Variants in PDE4B observed in about 807,000 individuals in gnomAD.
PDE4B encodes the protein phosphodiesterase 4B.
A neutral mutation model predicts 82.2 loss-of-function variants in PDE4B; 20 were observed. The ratio of observed to expected loss-of-function variants is 0.24; its 90% CI spans 0.17 to 0.35. The LOEUF (loss-of-function observed/expected upper bound fraction) is 0.35. PDE4B is among the 10% of genes least tolerant of loss of function. The pLI is 1.00. For missense variants in PDE4B, 655 were observed against 907.2 expected (o/e 0.72, Z 3.57); for synonymous variants, 320 against 318.9 (o/e 1.00, Z -0.04).
intron 3 of PDE4B, among the ~76,000 whole-genome samples, chr1:66,120,386 C>T (rs1223797150): frequency 1.3e-5 from 2 of 152,108 alleles, no homozygotes; most frequent in African/African-American, 2.4e-5. Context: ...CATTCTCCTC[C>T]TGCCCAGTAG....
intron 3 of PDE4B, among the ~76,000 whole-genome samples, chr1:66,220,357 G>A (rs1407164299): frequency 6.6e-6 from 1 of 152,136 alleles, no homozygotes; most frequent in Non-Finnish European, 1.5e-5. Flanking sequence ...ACATTTTGTA[G>A]TTTCTAAATT....
At chr1:66,292,404 C>T (rs982592551) in intron 7 of PDE4B, among the ~76,000 whole-genome samples, 3 of 152,044 alleles carry the variant, frequency 2.0e-5, no homozygotes, top group Non-Finnish European at 2.9e-5. Context: ...AGTGGCAAAG[C>T]GAGGGTTTAG....
At chr1:66,212,598 A>G (rs1650149579) in intron 3 of PDE4B, among the ~76,000 whole-genome samples, 1 of 152,044 alleles carries the variant, frequency 6.6e-6, no homozygotes, top group Admixed American at 6.6e-5. Context: ...TTTACTTACC[A>G]TTTAAATTTT....
intron 3 of PDE4B, among the ~76,000 whole-genome samples, chr1:66,084,136 AT>A (rs1656883478): frequency 1.3e-5 from 2 of 152,280 alleles, no homozygotes; most frequent in South Asian, 4.1e-4. Context: ...GAGATAGAAA[AT>A]ATAACAAGAG....
At chr1:66,279,919 C>T (rs899743918) in intron 7 of PDE4B, among the ~76,000 whole-genome samples, 2 of 152,152 alleles carry the variant, frequency 1.3e-5, no homozygotes, top group African/African-American at 4.8e-5. Flanking sequence ...ATGTTAACCA[C>T]ATCTACAAAA....
intron 1 of PDE4B, among the ~76,000 whole-genome samples, chr1:65,807,992 G>C (rs1645775921): frequency 6.6e-6 from 1 of 152,066 alleles, no homozygotes. Flanking sequence ...CACAGTTATT[G>C]TTACTTTGAC....
At chr1:66,076,426 T>G (rs751740473) in intron 3 of PDE4B, among the ~76,000 whole-genome samples, 4 of 152,164 alleles carry the variant, frequency 2.6e-5, no homozygotes, top group Non-Finnish European at 5.9e-5. Flanking sequence ...TAATCCAGAG[T>G]TGATGGGCAC....
intron 1 of PDE4B, among the ~76,000 whole-genome samples, chr1:65,847,960 T>C (rs550772280): frequency 3.0e-4 from 46 of 151,748 alleles, no homozygotes; most frequent in Non-Finnish European, 4.9e-4. Context: ...TTTGGAACAT[T>C]TGGAAACTCA....
intron 1 of PDE4B, among the ~76,000 whole-genome samples, chr1:65,912,608 T>A (rs1428951322): frequency 6.6e-6 from 1 of 152,224 alleles, no homozygotes; most frequent in Non-Finnish European, 1.5e-5. Context: ...AAGCTCTAAC[T>A]ACCGGTTGCT....
chr1:65,947,514 A>G (rs1351527822), intron 3 of PDE4B, among the ~76,000 whole-genome samples: 1 of 152,164 alleles, frequency 6.6e-6, no homozygotes, highest in African/African-American at 2.4e-5. Flanking sequence ...TTGAAGTCCT[A>G]TCCCCTGGTA....
At chr1:66,054,106 C>A (rs1275532762) in intron 3 of PDE4B, among the ~76,000 whole-genome samples, 23 of 152,090 alleles carry the variant, frequency 1.5e-4, no homozygotes, top group Admixed American at 1.2e-3. Context: ...AGGGTTTGAA[C>A]CCTCATTGAG....
chr1:66,159,212 A>G (rs1019152532), intron 3 of PDE4B, among the ~76,000 whole-genome samples: 1 of 151,956 alleles, frequency 6.6e-6, no homozygotes, highest in African/African-American at 2.4e-5. Context: ...AAATATGCAC[A>G]GTTATTAGAG....
intron 3 of PDE4B, among the ~76,000 whole-genome samples, chr1:66,029,102 A>G (rs961390362): frequency 2.0e-5 from 3 of 152,230 alleles, no homozygotes; most frequent in Non-Finnish European, 4.4e-5. Context: ...AAAAAAGTTT[A>G]TTTAGACTTA....
At chr1:65,981,253 A>C (rs1650671524) in intron 3 of PDE4B, among the ~76,000 whole-genome samples, 1 of 152,212 alleles carries the variant, frequency 6.6e-6, no homozygotes. Context: ...AGACAAATAA[A>C]TTTTGAGTTG....
In PDE4B at chr1:66,087,827, A is replaced by C. The variant is rs1270312021; in HGVS notation, c.282-159633A>C. On this transcript the variant is annotated intron_variant, in intron 3 of 16. Transcript: ENST00000341517. ...GGTGGGAATTAAACAATGAGAACAC[A>C]TGGACACAGGAAGGGGAACATCACA... 4.5e-5 allele frequency among the ~76,000 whole-genome samples: 6 copies of C among 132,146 alleles called. No homozygotes were observed. In the East Asian group the frequency reaches 1.4e-3, roughly 30 times the overall value. The allele number at this position is 132,146 out of a possible 152,430, so 86.7% of individuals were successfully genotyped here.
At chr1:65,986,933 G>A (rs2100665586) in intron 3 of PDE4B, among the ~76,000 whole-genome samples, 1 of 152,188 alleles carries the variant, frequency 6.6e-6, no homozygotes. Context: ...GGAGATGAGG[G>A]AACAAACCAT....
chr1:66,241,603 G>A (rs139810803), intron 3 of PDE4B, among the ~76,000 whole-genome samples: 1 of 152,088 alleles, frequency 6.6e-6, no homozygotes, highest in East Asian at 1.9e-4. Context: ...CCTTCCAGAT[G>A]CAAGTGATTC....
At chr1:66,245,801 A>G (rs1570548060) in intron 3 of PDE4B, among the ~76,000 whole-genome samples, 1 of 152,142 alleles carries the variant, frequency 6.6e-6, no homozygotes, top group Non-Finnish European at 1.5e-5. Flanking sequence ...TCTGCTTCTT[A>G]TCAGACACCT....
intron 1 of PDE4B, among the ~76,000 whole-genome samples, chr1:65,808,933 C>T (rs1238727584): frequency 6.6e-6 from 1 of 152,106 alleles, no homozygotes; most frequent in Admixed American, 6.5e-5. Flanking sequence ...TTTGGACACA[C>T]AGATCAGGCT....
Sources: allele counts gnomAD v4.1 joint callset (sites outside exome capture counted in the v4.1 genomes callset), GRCh38; gene constraint gnomAD v4.1.1; transcripts MANE v1.5; gene names NCBI Gene and HGNC (gene_info 2026-07-23, HGNC 2026-07-21).